PAK2: variants seen among roughly 807,000 people sequenced by gnomAD.
PAK2 encodes the protein p21 (RAC1) activated kinase 2.
Under a neutral mutation model 65.9 loss-of-function variants are expected in PAK2, and 21 were observed. That is an observed-to-expected ratio of 0.32 (90% CI 0.23 to 0.46). The LOEUF (loss-of-function observed/expected upper bound fraction) is 0.46, where lower values mean the gene tolerates loss of function less well. PAK2 is among the 20% of genes least tolerant of loss of function. The pLI is 1.00. For synonymous variants in PAK2, 204 were observed against 219.7 expected (o/e 0.93, Z 0.63); for missense variants, 324 against 642.6 (o/e 0.50, Z 5.36).
At chr3:196,758,024 A>G (rs1048062338) in intron 1 of PAK2, among the ~76,000 whole-genome samples, 1 of 152,000 alleles carries the variant, frequency 6.6e-6, no homozygotes, top group Admixed American at 6.7e-5. Context: ...TAGCCTAAAG[A>G]AGAAAAAACC....
Position 196,806,700 on chromosome 3 carries a change from G to A in PAK2, c.576+14G>A, listed in dbSNP as rs548902697. The A allele has an allele frequency of 1.1e-5, 16 of 1,417,046 alleles. No homozygotes were observed. The highest frequency in any genetic ancestry group is 6.9e-5 in the South Asian group (6 of 87,192). 87.8% of individuals were successfully genotyped at this position (1,417,046 alleles called of 1,614,324 possible). A position where few individuals can be genotyped will look rare whatever the true frequency, so the allele number is the denominator to read the frequency against. The stretch of plus-strand genomic sequence containing the variant: ...CATACGAAATCAGTGAGTCTCCATC[G>A]GTGATCTAGGCTGTGTGTGTGCACG... On this transcript the variant is annotated intron_variant, in intron 6 of 14. Transcript: ENST00000327134.
At chr3:196,800,368 T>C (rs1380036133) in intron 2 of PAK2, among the ~76,000 whole-genome samples, 2 of 152,024 alleles carry the variant, frequency 1.3e-5, no homozygotes, top group African/African-American at 4.8e-5. Flanking sequence ...GGCGACAGAA[T>C]GAGACTCCCT....
chr3:196,802,490 A>G (rs1165921324), intron 3 of PAK2, among the ~76,000 whole-genome samples: 1 of 152,136 alleles, frequency 6.6e-6, no homozygotes, highest in Non-Finnish European at 1.5e-5. Context: ...GTGGTTGGAT[A>G]TATCGTTTTC....
intron 1 of PAK2, among the ~76,000 whole-genome samples, chr3:196,765,376 C>T (rs1424542076): frequency 6.6e-6 from 1 of 152,080 alleles, no homozygotes; most frequent in Non-Finnish European, 1.5e-5. Flanking sequence ...GCTCGAACTC[C>T]TGGCCTCAAG....
rs73074645 is a variant in PAK2 at position 196,781,414 on chromosome 3, C to T, written c.-21-1212C>T. ...GACTTAAACCTAGAAGTATGGGTAG[C>T]AGGGTTGAAGTTTTCACTGAATTAG... is the stretch of plus-strand genomic sequence containing the variant. On this transcript the variant is annotated intron_variant, in intron 1 of 14. Transcript: ENST00000327134. Among the ~76,000 whole-genome samples, 535 of 152,216 alleles carry T rather than the reference C, an allele frequency of 3.5e-3. 3 individuals carry two copies. Among genetic ancestry groups the T allele is most frequent in the African/African-American group, 0.013 (523 of 41,536 alleles).
chr3:196,788,331 C>T (rs916667923), intron 2 of PAK2, among the ~76,000 whole-genome samples: 1 of 151,948 alleles, frequency 6.6e-6, no homozygotes, highest in African/African-American at 2.4e-5. Flanking sequence ...CATTTTATTC[C>T]ACTAAAAAAT....
intron 6 of PAK2, among the ~76,000 whole-genome samples, chr3:196,807,082 G>A (rs1181892471): frequency 6.6e-6 from 1 of 152,160 alleles, no homozygotes; most frequent in Non-Finnish European, 1.5e-5. Context: ...GCGCCTTGCT[G>A]TCATTCAAAA....
chr3:196,825,858 T>C (rs1169356309), intron 13 of PAK2, among the ~76,000 whole-genome samples: 2 of 152,140 alleles, frequency 1.3e-5, no homozygotes, highest in African/African-American at 4.8e-5. Context: ...GGTTTTTATT[T>C]TTGAGACAGA....
intron 13 of PAK2, among the ~76,000 whole-genome samples, chr3:196,823,193 A>G (rs1711709753): frequency 6.6e-6 from 1 of 152,186 alleles, no homozygotes; most frequent in African/African-American, 2.4e-5. Flanking sequence ...GGCCTAGACC[A>G]GGGCAGTATC....
At chr3:196,792,589 T>C (rs1027059454) in intron 2 of PAK2, among the ~76,000 whole-genome samples, 1 of 152,176 alleles carries the variant, frequency 6.6e-6, no homozygotes, top group Non-Finnish European at 1.5e-5. Context: ...TAAGTATTAT[T>C]GTGTTTCCTA....
intron 1 of PAK2, among the ~76,000 whole-genome samples, chr3:196,773,033 A>G (rs1378209961): frequency 6.6e-6 from 1 of 152,196 alleles, no homozygotes; most frequent in Non-Finnish European, 1.5e-5. Flanking sequence ...CCGGTTCCAG[A>G]TACCACTCCG....
chr3:196,742,318 C>T (rs1447245026), intron 1 of PAK2, among the ~76,000 whole-genome samples: 3 of 152,230 alleles, frequency 2.0e-5, no homozygotes. Flanking sequence ...GAACTCCCGA[C>T]CTCAGGTCAT....
chr3:196,826,246 A>C (rs1044378996), intron 13 of PAK2, among the ~76,000 whole-genome samples: 9 of 151,588 alleles, frequency 5.9e-5, no homozygotes, highest in Non-Finnish European at 1.3e-4. Flanking sequence ...ATCTCGGCTC[A>C]CTGCAAGCTC....
chr3:196,773,451 CA>C (rs543667715), intron 1 of PAK2, among the ~76,000 whole-genome samples: 1 of 152,034 alleles, frequency 6.6e-6, no homozygotes, highest in South Asian at 2.1e-4. Context: ...AATTCACACA[CA>C]AAAAATACTG....
intron 4 of PAK2, among the ~76,000 whole-genome samples, chr3:196,803,365 G>C (rs1377080128): frequency 6.6e-6 from 1 of 152,166 alleles, no homozygotes; most frequent in Non-Finnish European, 1.5e-5. Context: ...TAATCTCATA[G>C]GTTTGCCAGA....
chr3:196,815,781 G>A (rs1420747223), intron 11 of PAK2, among the ~76,000 whole-genome samples: 43 of 150,020 alleles, frequency 2.9e-4, no homozygotes, highest in South Asian at 6.3e-4. Flanking sequence ...GCAAGACTCC[G>A]TCTCAAAAAA....
chr3:196,807,304 G>A (rs538004893), intron 6 of PAK2, among the ~76,000 whole-genome samples: 1 of 152,312 alleles, frequency 6.6e-6, no homozygotes, highest in Non-Finnish European at 1.5e-5. Flanking sequence ...TGGATGCCAA[G>A]CTGATGGCAG....
chr3:196,792,804 A>AATAT (rs202214351), intron 2 of PAK2, among the ~76,000 whole-genome samples: 2 of 150,756 alleles, frequency 1.3e-5, no homozygotes, highest in South Asian at 2.1e-4. Context: ...GACAGAAAAA[A>AATAT]ATATATATAT....
intron 1 of PAK2, among the ~76,000 whole-genome samples, chr3:196,747,811 A>T (rs1303456695): frequency 1.3e-5 from 2 of 152,114 alleles, no homozygotes; most frequent in Non-Finnish European, 1.5e-5. Context: ...TTAATGTAAA[A>T]ATCTTCCTAA....
Sources: allele counts gnomAD v4.1 joint callset (sites outside exome capture counted in the v4.1 genomes callset), GRCh38; gene constraint gnomAD v4.1.1; transcripts MANE v1.5; gene names NCBI Gene and HGNC (gene_info 2026-07-23, HGNC 2026-07-21).